PTPN4: variants seen among roughly 807,000 people sequenced by gnomAD.
The protein encoded by PTPN4 is tyrosine-protein phosphatase non-receptor type 4.
A neutral mutation model predicts 135.5 loss-of-function variants in PTPN4; 49 were observed. That is an observed-to-expected ratio of 0.36 (90% CI 0.29 to 0.46). The LOEUF (loss-of-function observed/expected upper bound fraction) is 0.46, where lower values mean the gene tolerates loss of function less well. Among genes scored for constraint, PTPN4 ranks in the 20% least tolerant of loss-of-function variants. The pLI is 1.00. For synonymous variants in PTPN4, 333 were observed against 369.9 expected (o/e 0.90, Z 1.14); for missense variants, 860 against 1,101.0 (o/e 0.78, Z 3.10).
chr2:119,827,805 T>C (rs1274948405), intron 2 of PTPN4, among the ~76,000 whole-genome samples: 1 of 152,222 alleles, frequency 6.6e-6, no homozygotes, highest in Non-Finnish European at 1.5e-5. Flanking sequence ...ATTGTGTTTT[T>C]ATAGGTTGTA....
chr2:119,888,342 T>C (rs1343808344), intron 9 of PTPN4, among the ~76,000 whole-genome samples: 1 of 152,186 alleles, frequency 6.6e-6, no homozygotes, highest in Admixed American at 6.5e-5. Context: ...TTTTCCTTCT[T>C]TCTCTTGCCT....
chr2:119,788,648 G>A (rs1470483918), intron 1 of PTPN4, among the ~76,000 whole-genome samples: 1 of 152,042 alleles, frequency 6.6e-6, no homozygotes, highest in Non-Finnish European at 1.5e-5. Context: ...AACGTACTAG[G>A]TTCCTCATAT....
chr2:119,895,751 C>T (rs1193811584), intron 9 of PTPN4, among the ~76,000 whole-genome samples: 1 of 152,082 alleles, frequency 6.6e-6, no homozygotes, highest in Non-Finnish European at 1.5e-5. Context: ...GAAACCCCGT[C>T]TCTACTAAAA....
chr2:119,788,745 T>C (rs1691088256), intron 1 of PTPN4, among the ~76,000 whole-genome samples: 1 of 152,252 alleles, frequency 6.6e-6, no homozygotes, highest in Admixed American at 6.5e-5. Context: ...CATTGTAGCA[T>C]GTGTCAGAAT....
At chr2:119,908,303 G>T (rs970947063) in intron 10 of PTPN4, among the ~76,000 whole-genome samples, 3 of 152,068 alleles carry the variant, frequency 2.0e-5, no homozygotes, top group African/African-American at 7.2e-5. Flanking sequence ...ACATGCAAAT[G>T]GTCAAATTGA....
At chr2:119,884,525 A>G (rs1314494320) in intron 8 of PTPN4, among the ~76,000 whole-genome samples, 2 of 152,294 alleles carry the variant, frequency 1.3e-5, no homozygotes, top group East Asian at 1.9e-4. Flanking sequence ...TTAATGGACT[A>G]CCTAATGTGG....
At chr2:119,853,385 C>A (rs376097753) in intron 2 of PTPN4, among the ~76,000 whole-genome samples, 10 of 152,092 alleles carry the variant, frequency 6.6e-5, no homozygotes, top group Admixed American at 2.6e-4. Context: ...AGATTTGTGG[C>A]ATTTTCTAGA....
intron 1 of PTPN4, among the ~76,000 whole-genome samples, chr2:119,801,670 T>C (rs1226112409): frequency 6.6e-6 from 1 of 152,148 alleles, no homozygotes; most frequent in Non-Finnish European, 1.5e-5. Flanking sequence ...CAGTTGCAAA[T>C]TATACTGTAT....
At chr2:119,803,202 T>A (rs943196633) in intron 1 of PTPN4, among the ~76,000 whole-genome samples, 12 of 152,186 alleles carry the variant, frequency 7.9e-5, no homozygotes, top group African/African-American at 2.4e-4. Flanking sequence ...TTCTTTGTTA[T>A]TTCCTTCCTT....
At chr2:119,842,858 T>TTGTG (rs34432793) in intron 2 of PTPN4, among the ~76,000 whole-genome samples, 3,157 of 150,596 alleles carry the variant, frequency 0.021, 57 homozygotes, top group Non-Finnish European at 0.033. Context: ...ATGCTGTCAT[T>TTGTG]TGTGTGTGTG....
At chr2:119,821,933 A>G (rs1677073775) in intron 2 of PTPN4, among the ~76,000 whole-genome samples, 1 of 152,006 alleles carries the variant, frequency 6.6e-6, no homozygotes, top group African/African-American at 2.4e-5. Flanking sequence ...CTGATTGTTT[A>G]TGTATGACGT....
At chr2:119,901,644 G>C (rs941307249) in intron 10 of PTPN4, among the ~76,000 whole-genome samples, 1 of 152,076 alleles carries the variant, frequency 6.6e-6, no homozygotes. Context: ...ATGAGAACCA[G>C]ACCCAGATAT....
intron 2 of PTPN4, among the ~76,000 whole-genome samples, chr2:119,822,523 T>G (rs1038205681): frequency 6.6e-6 from 1 of 152,102 alleles, no homozygotes; most frequent in Non-Finnish European, 1.5e-5. Flanking sequence ...CATGCCCAGC[T>G]GATTTTTATA....
intron 2 of PTPN4, among the ~76,000 whole-genome samples, chr2:119,831,466 C>T (rs182203039): frequency 2.8e-4 from 42 of 152,180 alleles, no homozygotes; most frequent in African/African-American, 9.9e-4. Flanking sequence ...ATAGAAGCAC[C>T]ACGTTGTCTT....
At chr2:119,838,244 G>A (rs1183878033) in intron 2 of PTPN4, among the ~76,000 whole-genome samples, 2 of 151,648 alleles carry the variant, frequency 1.3e-5, no homozygotes. Context: ...GTAAGTTCAG[G>A]GGTACATGTG....
intron 1 of PTPN4, among the ~76,000 whole-genome samples, chr2:119,776,963 T>C (rs1389988156): frequency 6.6e-6 from 1 of 152,174 alleles, no homozygotes; most frequent in Non-Finnish European, 1.5e-5. Context: ...ACTGTATTTA[T>C]ATGGTAAAGG....
At chr2:119,913,527 C>G (rs547549739) in intron 10 of PTPN4, among the ~76,000 whole-genome samples, 1 of 152,242 alleles carries the variant, frequency 6.6e-6, no homozygotes, top group South Asian at 2.1e-4. Flanking sequence ...CAGTGGCACA[C>G]ACCTATAGTC....
At chr2:119,891,977 G>T (rs370308615) in intron 9 of PTPN4, among the ~76,000 whole-genome samples, 17 of 152,126 alleles carry the variant, frequency 1.1e-4, no homozygotes, top group African/African-American at 4.1e-4. Flanking sequence ...GTTGAGTAGG[G>T]TACATAGACT....
chr2:119,822,038 A>G (rs1038256358), intron 2 of PTPN4, among the ~76,000 whole-genome samples: 3 of 151,990 alleles, frequency 2.0e-5, no homozygotes, highest in Admixed American at 6.6e-5. Flanking sequence ...AGCTTGCAAT[A>G]TGACACTCTT....
Sources: gnomAD v4.1 joint callset for allele counts (sites outside exome capture counted in the v4.1 genomes callset) on GRCh38, gnomAD v4.1.1 for gene constraint, MANE v1.5 for transcripts, NCBI Gene and HGNC (gene_info 2026-07-23, HGNC 2026-07-21) for gene names.